Variants in COL4A6 observed in about 807,000 individuals in gnomAD.
COL4A6 encodes the protein collagen type IV alpha 6 chain.
Under a neutral mutation model 126.7 loss-of-function variants are expected in COL4A6, and 59 were observed. The ratio of observed to expected loss-of-function variants is 0.47; its 90% confidence interval spans 0.38 to 0.58. COL4A6 has a LOEUF of 0.58. Among genes scored for constraint, COL4A6 ranks in the 20% least tolerant of loss-of-function variants. The pLI, the probability that COL4A6 is intolerant of heterozygous loss-of-function variation, is 0.00. For missense variants in COL4A6, 1,285 were observed against 1,337.3 expected (o/e 0.96, Z 0.61); for synonymous variants, 547 against 496.6 (o/e 1.10, Z -1.35).
At chrX:108,225,390 T>C (rs757647782) in intron 3 of COL4A6, among the ~76,000 whole-genome samples, 2 of 113,177 alleles carry the variant, frequency 1.8e-5, no homozygotes, top group South Asian at 7.2e-4. Context: ...TTCTGATACA[T>C]GTCATTTATT....
intron 2 of COL4A6, among the ~76,000 whole-genome samples, chrX:108,435,064 G>A (rs1308681881): frequency 9.0e-6 from 1 of 111,297 alleles, no homozygotes; most frequent in Non-Finnish European, 1.9e-5. Flanking sequence ...CAACTTTAAA[G>A]AAAGAAGTTG....
chrX:108,189,485 A>G (rs2034971880), intron 20 of COL4A6, among the ~76,000 whole-genome samples: 2 of 112,284 alleles, frequency 1.8e-5, no homozygotes, highest in Non-Finnish European at 3.8e-5. Context: ...CTTAGAGAAA[A>G]TCTTTCAGCC....
intron 3 of COL4A6, 60 bp downstream of exon 3, chrX:108,310,687 GA>G (rs2038739835): frequency 1.9e-6 from 2 of 1,030,720 alleles, no homozygotes; most frequent in African/African-American, 3.8e-5. Context: ...TATTTCTAAA[GA>G]AAACAGATAA....
intron 3 of COL4A6, among the ~76,000 whole-genome samples, chrX:108,265,415 CTT>C (rs1476947333): frequency 9.3e-6 from 1 of 108,026 alleles, no homozygotes; most frequent in Non-Finnish European, 1.9e-5. Flanking sequence ...AAACATGGAA[CTT>C]ATATCTAGAG....
chrX:108,206,625 T>C (rs904594615), intron 8 of COL4A6, 45 bp from the exon 9 acceptor site: 6 of 1,105,524 alleles, frequency 5.4e-6, no homozygotes, highest in Non-Finnish European at 7.5e-6. Flanking sequence ...AAGGCAGTTT[T>C]CCAAGAAAAA....
intron 23 of COL4A6, among the ~76,000 whole-genome samples, chrX:108,186,762 A>T (rs1315974694): frequency 1.8e-5 from 2 of 110,280 alleles, no homozygotes; most frequent in Non-Finnish European, 3.8e-5. Flanking sequence ...CATTGCTTTG[A>T]TGACATTTGC....
At position 108,211,703 on chromosome X, in the gene COL4A6, A is replaced by AC. The variant is rs2035708863; in HGVS notation, c.478dup (p.Val160GlyfsTer6). 8.3e-7 allele frequency: 1 copy of AC among 1,210,569 alleles called. No homozygotes were observed. Among genetic ancestry groups the AC allele is most frequent in the Non-Finnish European group, 1.1e-6 (1 of 894,969 alleles). On this transcript the variant is annotated frameshift_variant, in exon 7 of 45. Transcript: ENST00000334504. LOFTEE classifies it high-confidence loss of function. ...TCCTTTGAAACTACCTGGAGCAAGG[A>AC]CAGGGTCACCTTTTGATCCTTTCTG...
intron 2 of COL4A6, among the ~76,000 whole-genome samples, chrX:108,433,230 TAAAG>T (rs2064204980): frequency 8.9e-6 from 1 of 112,126 alleles, no homozygotes; most frequent in South Asian, 3.8e-4. Context: ...AGGGATAGAT[TAAAG>T]AAAGAGAGTT....
At chrX:108,438,494 T>C (rs2064316565), upstream of COL4A6, 11 of 972,695 alleles carry the variant, frequency 1.1e-5, no homozygotes, top group Non-Finnish European at 1.4e-5. Context: ...TCATCCCCCC[T>C]ACCTTGGGCA....
At chrX:108,373,658 C>T (rs2040374665) in intron 2 of COL4A6, among the ~76,000 whole-genome samples, 1 of 111,392 alleles carries the variant, frequency 9.0e-6, no homozygotes, top group Non-Finnish European at 1.9e-5. Flanking sequence ...CTCCCCAGCC[C>T]CCAGTCCATC....
chrX:108,195,467 T>A (rs561050482), intron 14 of COL4A6, among the ~76,000 whole-genome samples: 3 of 111,860 alleles, frequency 2.7e-5, no homozygotes, highest in African/African-American at 9.7e-5. Context: ...AGACAGGGTT[T>A]CACCACATTG....
intron 2 of COL4A6, among the ~76,000 whole-genome samples, chrX:108,399,783 C>T (rs1349668784): frequency 9.0e-6 from 1 of 111,584 alleles, no homozygotes; most frequent in Non-Finnish European, 1.9e-5. Flanking sequence ...AACATAAACC[C>T]AGATAATGCA....
At chrX:108,346,634 G>A (rs2148020685) in intron 2 of COL4A6, among the ~76,000 whole-genome samples, 1 of 112,178 alleles carries the variant, frequency 8.9e-6, no homozygotes, top group Non-Finnish European at 1.9e-5. Context: ...GTATAATGAA[G>A]CCAATTTTAC....
At position 108,219,572 on chromosome X, in the gene COL4A6, T is replaced by C. The variant is rs1602844658; in HGVS notation, c.324+126A>G. The C allele has an allele frequency of 6.4e-6, 4 of 628,093 alleles. No homozygotes were observed. In the East Asian group the frequency reaches 9.8e-5, roughly 15 times the overall value. The allele number at this position is 628,093 out of a possible 1,213,427, so 51.8% of individuals were successfully genotyped here. On this transcript the variant is annotated intron_variant, in intron 5 of 44. Coordinates refer to ENST00000334504, the MANE Select transcript of COL4A6 (RefSeq NM_033641.4). The stretch of plus-strand genomic sequence containing the variant: ...GACCACTGCCCTTTAAACCTCACCA[T>C]ACATATCTCAACACTTGTTCCTGAG...
At chrX:108,251,527 C>T (rs1381033134) in intron 3 of COL4A6, among the ~76,000 whole-genome samples, 1 of 111,793 alleles carries the variant, frequency 8.9e-6, no homozygotes, top group Non-Finnish European at 1.9e-5. Context: ...TAACTTCTTT[C>T]ATAGTACTTA....
chrX:108,302,169 TC>T (rs2147881184), intron 3 of COL4A6, among the ~76,000 whole-genome samples: 1 of 109,503 alleles, frequency 9.1e-6, no homozygotes, highest in East Asian at 2.8e-4. Flanking sequence ...TCCTAATCTC[TC>T]CCCCATATAT....
intron 2 of COL4A6, among the ~76,000 whole-genome samples, chrX:108,368,057 C>A (rs1244569003): frequency 9.1e-6 from 1 of 109,524 alleles, no homozygotes; most frequent in Non-Finnish European, 1.9e-5. Flanking sequence ...TCTAGCCCAG[C>A]CCAGCACCTA....
chrX:108,310,882 T>C, intron 2 of COL4A6, 54 bp from the exon 3 acceptor site: 1 of 975,168 alleles, frequency 1.0e-6, no homozygotes. Context: ...AGCAATGTTG[T>C]CCCAGCAGAC....
At chrX:108,301,099 G>T (rs776608041) in intron 3 of COL4A6, among the ~76,000 whole-genome samples, 1 of 112,286 alleles carries the variant, frequency 8.9e-6, no homozygotes, top group East Asian at 2.8e-4. Flanking sequence ...AAACATTCTT[G>T]GAAGACTTCC....
Sources: allele counts gnomAD v4.1 joint callset (sites outside exome capture counted in the v4.1 genomes callset), GRCh38; gene constraint gnomAD v4.1.1; transcripts MANE v1.5; gene names NCBI Gene and HGNC (gene_info 2026-07-23, HGNC 2026-07-21).